Variants in ACCSL observed in about 807,000 individuals in gnomAD.
The protein encoded by ACCSL is probable inactive 1-aminocyclopropane-1-carboxylate synthase-like protein 2.
A neutral mutation model predicts 61.7 loss-of-function variants in ACCSL; 55 were observed. The observed-to-expected ratio is 0.89, with a 90% confidence interval of 0.72 to 1.12. The LOEUF is 1.12. ACCSL is among the 50% of genes most tolerant of loss of function. The pLI is 0.00. For synonymous variants in ACCSL, 258 were observed against 264.3 expected, an observed-to-expected ratio of 0.98 and a Z score of 0.23; for missense variants, 632 against 698.0, an observed-to-expected ratio of 0.91 and a Z score of 1.07.
the ACCSL span, among the ~76,000 whole-genome samples, chr11:43,924,368 A>C: frequency 1.3e-5 from 2 of 152,146 alleles, no homozygotes; most frequent in African/African-American, 4.8e-5. Context: ...GGGTGGTAGG[A>C]GCGCTGCAGC....
chr11:43,984,092 G>T, the ACCSL span, among the ~76,000 whole-genome samples: 1 of 152,018 alleles, frequency 6.6e-6, no homozygotes, highest in South Asian at 2.1e-4. Context: ...ACTCCAGCCT[G>T]GGTGACAGAG....
At chr11:44,034,759 C>A in the ACCSL span, among the ~76,000 whole-genome samples, 1 of 152,124 alleles carries the variant, frequency 6.6e-6, no homozygotes, top group Non-Finnish European at 1.5e-5. Flanking sequence ...GGGACATACC[C>A]AAACCATATC....
chr11:44,059,900 G>C lies in ACCSL; in HGVS notation c.1687G>C (p.Glu563Gln). Residue 563 changes from glutamate to glutamine, a missense_variant, in exon 14 of 14, where the codon GAG becomes CAG. Coordinates refer to ENST00000378832, the MANE Select transcript of ACCSL (RefSeq NM_001031854.2). ...QKEALIVKQL[E>Q]DAMRE ...GGAGGCTTTGATAGTGAAGCAGTTG[G>C]AGGATGCAATGAGGGAGTAGGCCGT... 1.2e-6 allele frequency: 2 copies of C among 1,613,916 alleles called. No individual in the cohort carries two copies. Among genetic ancestry groups the C allele is most frequent in the Non-Finnish European group, 1.7e-6 (2 of 1,179,848 alleles).
chr11:44,052,905 A>C, intron 6 of ACCSL, 86 bp from the exon 7 acceptor site: 2 of 1,489,792 alleles, frequency 1.3e-6, no homozygotes, highest in Non-Finnish European at 1.9e-6. Context: ...CTCTGGTATG[A>C]AGGCAAAGGA....
the ACCSL span, among the ~76,000 whole-genome samples, chr11:43,978,030 G>A: frequency 9.1e-6 from 1 of 109,370 alleles, no homozygotes; most frequent in Non-Finnish European, 1.7e-5. Flanking sequence ...TTTTTTTTGA[G>A]ATGGAGCCTC....
chr11:44,050,511 C>A (rs758972914), intron 2 of ACCSL, 41 bp from the exon 3 acceptor site: 1 of 1,595,632 alleles, frequency 6.3e-7, no homozygotes, highest in Non-Finnish European at 8.6e-7. Flanking sequence ...GCCTCTTGAA[C>A]TTCCCTGGCC....
At chr11:44,007,459 C>A in the ACCSL span, among the ~76,000 whole-genome samples, 1 of 152,126 alleles carries the variant, frequency 6.6e-6, no homozygotes, top group Non-Finnish European at 1.5e-5. Flanking sequence ...CTCCAAGAGC[C>A]CCCATAGAAA....
At chr11:44,040,916 A>C in the ACCSL span, among the ~76,000 whole-genome samples, 1 of 152,184 alleles carries the variant, frequency 6.6e-6, no homozygotes, top group South Asian at 2.1e-4. Flanking sequence ...AGGTTGACCA[A>C]CTTGGGTTTG....
At chr11:44,000,345 G>T in the ACCSL span, among the ~76,000 whole-genome samples, 1 of 151,868 alleles carries the variant, frequency 6.6e-6, no homozygotes, top group Admixed American at 6.6e-5. Context: ...GGCTGGTTTC[G>T]AACTCCTGAC....
At chr11:43,946,853 A>G in the ACCSL span, among the ~76,000 whole-genome samples, 1 of 152,234 alleles carries the variant, frequency 6.6e-6, no homozygotes, top group East Asian at 1.9e-4. Flanking sequence ...CTGCAGTATT[A>G]GAGGGATCAG....
At chr11:44,047,972 T>C, upstream of ACCSL, 3 of 1,548,114 alleles carry the variant, frequency 1.9e-6, no homozygotes, top group Non-Finnish European at 2.6e-6. Flanking sequence ...TTTGCTCCAT[T>C]GTCAATGGTC....
the ACCSL span, among the ~76,000 whole-genome samples, chr11:43,940,358 CTTT>C: frequency 1.4e-5 from 2 of 142,206 alleles, no homozygotes; most frequent in African/African-American, 2.6e-5. Context: ...GAAATTATAT[CTTT>C]TTTTTTTTTT....
At chr11:43,993,454 G>A in the ACCSL span, among the ~76,000 whole-genome samples, 69 of 151,964 alleles carry the variant, frequency 4.5e-4, no homozygotes, top group East Asian at 1.6e-3. Flanking sequence ...CATCCTGGCC[G>A]CTCGGATGGT....
At chr11:44,021,301 T>C in the ACCSL span, among the ~76,000 whole-genome samples, 48 of 152,330 alleles carry the variant, frequency 3.2e-4, no homozygotes, top group African/African-American at 8.9e-4. Flanking sequence ...GATTTTTTAT[T>C]TATGGCCATT....
chr11:43,973,452 AT>A, the ACCSL span, among the ~76,000 whole-genome samples: 1 of 140,142 alleles, frequency 7.1e-6, no homozygotes, highest in Non-Finnish European at 1.6e-5. Flanking sequence ...CTATCTATCT[AT>A]CTATCTATCT....
At chr11:44,041,003 G>A in the ACCSL span, among the ~76,000 whole-genome samples, 1 of 152,180 alleles carries the variant, frequency 6.6e-6, no homozygotes, top group African/African-American at 2.4e-5. Flanking sequence ...TGTAAAGTGA[G>A]TCTAATGATG....
At chr11:43,972,802 G>A in the ACCSL span, among the ~76,000 whole-genome samples, 1 of 152,198 alleles carries the variant, frequency 6.6e-6, no homozygotes, top group East Asian at 1.9e-4. Context: ...TCAGGAACGG[G>A]GCACCAGGAG....
chr11:44,037,364 C>T, the ACCSL span, among the ~76,000 whole-genome samples: 1 of 152,224 alleles, frequency 6.6e-6, no homozygotes, highest in Admixed American at 6.5e-5. Context: ...GAGCCACCAG[C>T]GGTTGCAGTG....
Position 44,058,409 on chromosome 11 carries a change from CCT to C in ACCSL, c.1421_1422del (p.Pro474LeufsTer24). 1 of 1,614,108 alleles carries C rather than the reference CCT, an allele frequency of 6.2e-7. No individual in the cohort carries two copies. Among genetic ancestry groups the C allele is most frequent in the Non-Finnish European group, 8.5e-7 (1 of 1,180,036 alleles). On this transcript the variant is annotated frameshift_variant, in exon 12 of 14. Coordinates refer to ENST00000378832, the MANE Select transcript of ACCSL (RefSeq NM_001031854.2). LOFTEE classifies it high-confidence loss of function. ...TGCTGAGCTGAAGGCATTGGAGATCCCTTTTCACAACCGCAGCTCTGGCCTCT... is the reference window on the plus strand; with the variant it reads ...TGCTGAGCTGAAGGCATTGGAGATCCTTTCACAACCGCAGCTCTGGCCTCT... Reference protein sequence around the residue: ...ITAELKALEIPFHNRSSGLYV... With the variant: ...ITAELKALEIXFHNRSSGLYV...
Sources: gnomAD v4.1 joint callset for allele counts (sites outside exome capture counted in the v4.1 genomes callset) on GRCh38, gnomAD v4.1.1 for gene constraint, MANE v1.5 for transcripts, NCBI Gene and HGNC (gene_info 2026-07-23, HGNC 2026-07-21) for gene names.